OSBPL9: variants seen among roughly 807,000 people sequenced by gnomAD.
OSBPL9 encodes oxysterol-binding protein-related protein 9.
In OSBPL9, 40 loss-of-function variants were observed where a neutral mutation model predicts 106.6. The observed-to-expected ratio is 0.38, with a 90% CI of 0.29 to 0.49. OSBPL9 has a LOEUF of 0.49. OSBPL9 is among the 20% of genes least tolerant of loss of function. OSBPL9 has a pLI of 0.97. For missense variants in OSBPL9, 609 were observed against 887.2 expected, an observed-to-expected ratio of 0.69 and a Z score of 3.98; for synonymous variants, 269 against 295.4, an observed-to-expected ratio of 0.91 and a Z score of 0.92.
chr1:51,623,981 G>A (rs920592592), intron 1 of OSBPL9, among the ~76,000 whole-genome samples: 19 of 151,454 alleles, frequency 1.3e-4, no homozygotes, highest in South Asian at 8.3e-4. Flanking sequence ...GCAGTGGCAC[G>A]ATCTCCACTC....
At chr1:51,559,426 G>GACACAC in the OSBPL9 span, among the ~76,000 whole-genome samples, 5 of 132,778 alleles carry the variant, frequency 3.8e-5, no homozygotes, top group African/African-American at 1.6e-4. Context: ...TTAAAATACA[G>GACACAC]ACACACACAT....
chr1:51,626,484 A>G (rs1644774761), intron 1 of OSBPL9, among the ~76,000 whole-genome samples: 2 of 151,986 alleles, frequency 1.3e-5, no homozygotes, highest in South Asian at 4.2e-4. Flanking sequence ...TTTTATACAG[A>G]CATTTTTAGA....
chr1:51,635,089 C>A (rs533039950), intron 1 of OSBPL9, among the ~76,000 whole-genome samples: 1 of 152,262 alleles, frequency 6.6e-6, no homozygotes, highest in African/African-American at 2.4e-5. Context: ...AGGGCTGGGC[C>A]GTCTTGTTAT....
chr1:51,709,370 C>T (rs142787714), intron 3 of OSBPL9: 397 of 212,962 alleles, frequency 1.9e-3, no homozygotes, highest in Non-Finnish European at 3.3e-3. Context: ...TTCTGGGAGG[C>T]GTGCATAAGC....
At chr1:51,743,672 A>G (rs1667393099) in intron 4 of OSBPL9, among the ~76,000 whole-genome samples, 1 of 152,140 alleles carries the variant, frequency 6.6e-6, no homozygotes, top group Admixed American at 6.5e-5. Context: ...CTGGGTCTTG[A>G]TAGTTAATTA....
At chr1:51,754,277 C>G (rs1669886349) in intron 8 of OSBPL9, among the ~76,000 whole-genome samples, 2 of 152,302 alleles carry the variant, frequency 1.3e-5, no homozygotes, top group South Asian at 2.1e-4. Context: ...TTAATTATCA[C>G]TGAAATTGGG....
intron 3 of OSBPL9, among the ~76,000 whole-genome samples, chr1:51,696,011 A>G (rs1002106109): frequency 1.3e-5 from 2 of 152,212 alleles, no homozygotes; most frequent in African/African-American, 4.8e-5. Context: ...AAAACCGGGA[A>G]GGTAGATTTG....
Position 51,789,064 on chromosome 1 carries a change from G to A in OSBPL9, c.*1275G>A. On this transcript the variant is annotated 3_prime_UTR_variant, in exon 24 of 24. Coordinates refer to ENST00000428468, the MANE Select transcript of OSBPL9 (RefSeq NM_024586.6). The stretch of plus-strand genomic sequence containing the variant: ...TAATTTTCCTTTGCCAGCTCCTACA[G>A]TAACCCTGGGTTTATTAGTCTCAAC... 4.4e-6 allele frequency: 3 copies of A among 683,300 alleles called. No homozygotes were observed. Among genetic ancestry groups the A allele is most frequent in the Non-Finnish European group, 7.4e-6 (3 of 405,764 alleles). 42.3% of individuals were successfully genotyped at this position (683,300 alleles called of 1,614,324 possible).
At chr1:51,661,641 G>A (rs1369843605) in intron 2 of OSBPL9, among the ~76,000 whole-genome samples, 1 of 152,194 alleles carries the variant, frequency 6.6e-6, no homozygotes, top group South Asian at 2.1e-4. Context: ...TTGGCACAAT[G>A]GGGGTCATAA....
chr1:51,784,799 C>T (rs2149159825), intron 20 of OSBPL9: 1 of 580,554 alleles, frequency 1.7e-6, no homozygotes, highest in South Asian at 2.5e-5. Context: ...AGGTTTCCTT[C>T]CTAAAAACCT....
intron 2 of OSBPL9, among the ~76,000 whole-genome samples, chr1:51,602,090 G>C (rs1372817983): frequency 7.0e-6 from 1 of 143,228 alleles, no homozygotes; most frequent in East Asian, 2.1e-4. Flanking sequence ...GCGCGATCTC[G>C]GCTCACTGCA....
At chr1:51,732,861 T>C (rs1315790047) in intron 4 of OSBPL9, among the ~76,000 whole-genome samples, 1 of 152,216 alleles carries the variant, frequency 6.6e-6, no homozygotes, top group Non-Finnish European at 1.5e-5. Flanking sequence ...CATATTCTGG[T>C]CCTGATTTAT....
intron 3 of OSBPL9, among the ~76,000 whole-genome samples, chr1:51,710,911 A>G (rs1056322998): frequency 2.0e-5 from 3 of 152,154 alleles, no homozygotes; most frequent in Non-Finnish European, 2.9e-5. Flanking sequence ...TCAGTTTTGG[A>G]AAATTCTCAG....
intron 3 of OSBPL9, among the ~76,000 whole-genome samples, chr1:51,699,712 T>C (rs1656830518): frequency 6.6e-6 from 1 of 152,148 alleles, no homozygotes; most frequent in African/African-American, 2.4e-5. Flanking sequence ...TCTAATGATA[T>C]TTAGAAATCA....
chr1:51,527,456 G>A, the OSBPL9 span, among the ~76,000 whole-genome samples: 1 of 152,068 alleles, frequency 6.6e-6, no homozygotes, highest in African/African-American at 2.4e-5. Flanking sequence ...GTGCAGTGGT[G>A]CAGTCATAGC....
chr1:51,650,165 G>A (rs1646426760), intron 1 of OSBPL9, among the ~76,000 whole-genome samples: 4 of 152,094 alleles, frequency 2.6e-5, no homozygotes, highest in East Asian at 1.9e-4. Flanking sequence ...ATTAGGAAAC[G>A]ACTAGGATTA....
intron 2 of OSBPL9, among the ~76,000 whole-genome samples, chr1:51,666,913 G>A (rs1648653291): frequency 6.6e-6 from 1 of 152,246 alleles, no homozygotes. Flanking sequence ...AGCAAGGACT[G>A]TGAACTAACT....
chr1:51,533,715 A>C, the OSBPL9 span, among the ~76,000 whole-genome samples: 1 of 151,856 alleles, frequency 6.6e-6, no homozygotes. Flanking sequence ...CAGAAAACAG[A>C]GGTTGGAGTG....
chr1:51,691,419 AC>A (rs1654938244), intron 3 of OSBPL9, among the ~76,000 whole-genome samples: 1 of 151,332 alleles, frequency 6.6e-6, no homozygotes, highest in Non-Finnish European at 1.5e-5. Context: ...AACTGGGATT[AC>A]AGGCGAGCGC....
Sources: gnomAD v4.1 joint callset for allele counts (sites outside exome capture counted in the v4.1 genomes callset) on GRCh38, gnomAD v4.1.1 for gene constraint, MANE v1.5 for transcripts, NCBI Gene and HGNC (gene_info 2026-07-23, HGNC 2026-07-21) for gene names.